MTMR3: variants seen among roughly 807,000 people sequenced by gnomAD.
The protein encoded by MTMR3 is phosphatidylinositol-3,5-bisphosphate 3-phosphatase MTMR3.
Under a neutral mutation model 132.4 loss-of-function variants are expected in MTMR3, and 32 were observed. That is an observed-to-expected ratio of 0.24 (90% CI 0.18 to 0.32). The LOEUF (loss-of-function observed/expected upper bound fraction) is 0.32. Ranked by LOEUF, MTMR3 falls within the 10% of genes least tolerant of loss-of-function variation. MTMR3 has a pLI of 1.00. For synonymous variants in MTMR3, 556 were observed against 550.3 expected, an observed-to-expected ratio of 1.01 and a Z score of -0.14; for missense variants, 1,216 against 1,489.6, an observed-to-expected ratio of 0.82 and a Z score of 3.02.
chr22:29,957,532 G>A (rs2066223607), intron 2 of MTMR3, among the ~76,000 whole-genome samples: 1 of 151,834 alleles, frequency 6.6e-6, no homozygotes, highest in Non-Finnish European at 1.5e-5. Context: ...GCTCACTGCA[G>A]CCTTGAACCC....
chr22:29,920,180 C>T (rs1294945898), intron 1 of MTMR3, among the ~76,000 whole-genome samples: 1 of 150,886 alleles, frequency 6.6e-6, no homozygotes, highest in Non-Finnish European at 1.5e-5. Context: ...CGCCACTGCA[C>T]TGCAGCCTGG....
In MTMR3 at chr22:30,030,644, G is replaced by GA. The variant is rs2067997373; in HGVS notation, c.*4843_*4844insA. 5 of 105,166 alleles carry GA rather than the reference G, an allele frequency of 4.8e-5. No individual in the cohort carries two copies. The highest frequency in any genetic ancestry group is 1.1e-4 in the Admixed American group (1 of 9,350). 6.5% of individuals were successfully genotyped at this position (105,166 alleles called of 1,614,324 possible). On this transcript the variant is annotated 3_prime_UTR_variant, in exon 20 of 20. Coordinates refer to ENST00000401950, the MANE Select transcript of MTMR3 (RefSeq NM_021090.4). ...GCTCTCAGCGAGGAGGGGGCGGGGG[G>GA]GGGGTCACTATTTATCTTCCAGAGG...
chr22:29,996,257 T>C (rs1461340048), intron 7 of MTMR3: 1 of 152,248 alleles, frequency 6.6e-6, no homozygotes, highest in Non-Finnish European at 1.5e-5. Context: ...ATAAAAATAA[T>C]TAAAACTCAT....
At chr22:29,941,903 G>A (rs992581556) in intron 1 of MTMR3, among the ~76,000 whole-genome samples, 2 of 152,134 alleles carry the variant, frequency 1.3e-5, no homozygotes, top group Middle Eastern at 3.2e-3. Flanking sequence ...GATCCCTTGA[G>A]TCCCAGGAGT....
At chr22:30,015,360 A>C (rs1186298146) in intron 14 of MTMR3, 2 of 151,536 alleles carry the variant, frequency 1.3e-5, no homozygotes, top group African/African-American at 4.9e-5. Context: ...ATGCCTGTCC[A>C]AAACTTGATT....
At chr22:29,911,771 G>C (rs1433496164) in intron 1 of MTMR3, among the ~76,000 whole-genome samples, 1 of 152,104 alleles carries the variant, frequency 6.6e-6, no homozygotes, top group African/African-American at 2.4e-5. Flanking sequence ...AGTGAAAATA[G>C]TAAAGTATCT....
chr22:29,949,142 CA>C (rs1569019811), intron 1 of MTMR3, among the ~76,000 whole-genome samples: 9 of 23,236 alleles, frequency 3.9e-4, no homozygotes, highest in African/African-American at 8.5e-4. Context: ...CACACACACA[CA>C]CCCCCCCCCC....
At chr22:29,918,195 G>GA (rs1295693695) in intron 1 of MTMR3, among the ~76,000 whole-genome samples, 1 of 152,186 alleles carries the variant, frequency 6.6e-6, no homozygotes, top group African/African-American at 2.4e-5. Context: ...GGGAAGTGTT[G>GA]AGGGGCATCA....
intron 14 of MTMR3, 104 bp downstream of exon 14, chr22:30,013,645 A>G: frequency 9.1e-7 from 1 of 1,102,200 alleles, no homozygotes; most frequent in South Asian, 1.9e-5. Context: ...TCAGAATTTA[A>G]TAGAGGTGAT....
chr22:29,967,277 C>T (rs1016106315), intron 2 of MTMR3, among the ~76,000 whole-genome samples: 3 of 151,670 alleles, frequency 2.0e-5, no homozygotes, highest in Non-Finnish European at 2.9e-5. Flanking sequence ...AGGTCTTGCT[C>T]TGTCACTCAG....
intron 4 of MTMR3, 103 bp downstream of exon 4, chr22:29,978,634 ACAT>A: frequency 1.3e-6 from 1 of 791,208 alleles, no homozygotes; most frequent in Non-Finnish European, 1.9e-6. Flanking sequence ...TATATATATA[ACAT>A]ACATGTAGTA....
chr22:29,997,952 G>C (rs899789380), intron 7 of MTMR3: 1 of 152,228 alleles, frequency 6.6e-6, no homozygotes, highest in Non-Finnish European at 1.5e-5. Flanking sequence ...CTTAACGAAA[G>C]TTTGGAAAAC....
chr22:29,886,687 G>A (rs2064684340), intron 1 of MTMR3, among the ~76,000 whole-genome samples: 1 of 152,254 alleles, frequency 6.6e-6, no homozygotes, highest in African/African-American at 2.4e-5. Flanking sequence ...TTCTGTGTTG[G>A]GTTCTGCTTT....
At chr22:30,010,983 C>G (rs2145946022) in intron 12 of MTMR3, 1 of 152,314 alleles carries the variant, frequency 6.6e-6, no homozygotes, top group South Asian at 2.1e-4. Context: ...TGTTAGCCCT[C>G]TGAGGAGTCA....
At chr22:29,928,494 T>TC (rs1202355868) in intron 1 of MTMR3, among the ~76,000 whole-genome samples, 8 of 151,908 alleles carry the variant, frequency 5.3e-5, no homozygotes, top group Non-Finnish European at 1.2e-4. Flanking sequence ...TTTTAGGCTT[T>TC]CCCCCCAGTG....
chr22:29,987,404 C>T (rs961470053), intron 5 of MTMR3: 4 of 152,170 alleles, frequency 2.6e-5, no homozygotes, highest in Non-Finnish European at 2.9e-5. Flanking sequence ...AGACTGTCCT[C>T]CTCTTTGCAT....
chr22:29,945,718 G>GA (rs67054738), intron 1 of MTMR3, among the ~76,000 whole-genome samples: 52,623 of 124,294 alleles, frequency 0.42, 9,875 homozygotes, highest in East Asian at 0.72. Flanking sequence ...AAATGAAAAA[G>GA]AAAAAAAAAA....
intron 18 of MTMR3, 196 bp downstream of exon 18, chr22:30,022,335 C>G: frequency 1.6e-6 from 1 of 610,890 alleles, no homozygotes; most frequent in Non-Finnish European, 2.9e-6. Context: ...GCAAGCTGGC[C>G]CTCCCTCTTC....
chr22:29,902,091 C>G (rs2065011816), intron 1 of MTMR3, among the ~76,000 whole-genome samples: 1 of 152,000 alleles, frequency 6.6e-6, no homozygotes, highest in Non-Finnish European at 1.5e-5. Context: ...ACTTTTATAA[C>G]TTTATTAGAG....
Sources: gnomAD v4.1 joint callset for allele counts (sites outside exome capture counted in the v4.1 genomes callset) on GRCh38, gnomAD v4.1.1 for gene constraint, MANE v1.5 for transcripts, NCBI Gene and HGNC (gene_info 2026-07-23, HGNC 2026-07-21) for gene names.